Variants in MYH14 observed in about 807,000 individuals in gnomAD.
MYH14 encodes myosin heavy chain 14, also known as myosin-14.
Under a neutral mutation model 255.5 loss-of-function variants are expected in MYH14, and 123 were observed. That is an observed-to-expected ratio of 0.48 (90% CI 0.42 to 0.56). The LOEUF is 0.56. Ranked by LOEUF, MYH14 falls within the 20% of genes least tolerant of loss-of-function variation. MYH14 has a pLI of 0.00. For missense variants in MYH14, 2,423 were observed against 2,802.3 expected (o/e 0.86, Z 3.06); for synonymous variants, 1,095 against 1,161.2 (o/e 0.94, Z 1.16).
chr19:50,239,429 G>C (rs2033802017), intron 10 of MYH14, among the ~76,000 whole-genome samples: 1 of 152,220 alleles, frequency 6.6e-6, no homozygotes. Flanking sequence ...GAAGATTACA[G>C]ACTGGTTGTT....
intron 19 of MYH14, 38 bp from the exon 20 acceptor site, chr19:50,260,608 G>GT (rs1199701081): frequency 1.3e-6 from 2 of 1,514,036 alleles, no homozygotes; most frequent in Admixed American, 1.7e-5. Context: ...AGCGTTTGCT[G>GT]TAACTCTCTC....
chr19:50,257,162 C>CT, intron 17 of MYH14, 137 bp from the exon 18 acceptor site: 1 of 652,038 alleles, frequency 1.5e-6, no homozygotes, highest in Middle Eastern at 4.3e-4. Context: ...AAGCTGATAT[C>CT]TACCTTACAG....
intron 8 of MYH14, among the ~76,000 whole-genome samples, chr19:50,227,666 G>T (rs1259297586): frequency 2.0e-5 from 3 of 152,148 alleles, no homozygotes; most frequent in Admixed American, 6.6e-5. Flanking sequence ...AGCATCTCAG[G>T]ACGGCTGTTT....
At chr19:50,262,998 G>A (rs1380606520) in intron 21 of MYH14, among the ~76,000 whole-genome samples, 4 of 152,082 alleles carry the variant, frequency 2.6e-5, no homozygotes, top group Admixed American at 2.0e-4. Flanking sequence ...TGGGGAGTTG[G>A]AGAGCAGCCC....
intron 1 of MYH14, among the ~76,000 whole-genome samples, chr19:50,210,085 A>G: frequency 8.2e-6 from 1 of 121,740 alleles, no homozygotes; most frequent in Non-Finnish European, 1.6e-5. Context: ...GCAACAAGCG[A>G]GACTCCGTCT....
rs2036166044 is a variant in MYH14, at chr19:50,293,655, C to T, written c.5437C>T (p.Leu1813Phe). The T allele has an allele frequency of 6.2e-7, 1 of 1,601,658 alleles. No homozygotes were observed. The highest frequency in any genetic ancestry group is 1.3e-5 in the African/African-American group (1 of 74,796). ...GGAGGAGCAGAGCAACTCGGAGCTG[C>T]TCAATGACCGCTACCGCAAGCTGCT... Reference protein sequence around the residue: ...LEEEQSNSELLNDRYRKLLLQ... With the variant: ...LEEEQSNSELFNDRYRKLLLQ... The change falls in exon 39 of 43, where the codon CTC (leucine) becomes TTC (phenylalanine). Residue 1813 changes from leucine (L) to phenylalanine (F), a missense_variant. Leu to Phe is a conservative substitution (Grantham distance 22, BLOSUM62 0). Around this residue, in one of 3 missense-constraint regions of MYH14, gnomAD observed 1,513 missense variants for 1,674.8 expected, o/e 0.90. Coordinates refer to ENST00000642316, the MANE Select transcript of MYH14 (RefSeq NM_001145809.2). This position sits in a 1 kb window ranked among gnomAD's most constrained non-coding sequence, Gnocchi z 4.1.
intron 12 of MYH14, among the ~76,000 whole-genome samples, chr19:50,248,059 CAAAAA>C (rs10588130): frequency 3.7e-5 from 4 of 106,828 alleles, no homozygotes; most frequent in Admixed American, 9.9e-5. Context: ...GACTCTGTCT[CAAAAA>C]AAAAAAAAAA....
intron 5 of MYH14, 117 bp from the exon 6 acceptor site, chr19:50,224,037 A>AG: frequency 7.9e-6 from 2 of 252,564 alleles, no homozygotes; most frequent in South Asian, 5.2e-5. Context: ...CGGTTTCCCC[A>AG]GTCCCCCTTC....
At chr19:50,210,342 C>T in intron 1 of MYH14, 21 bp from the exon 2 acceptor site, 1 of 1,570,880 alleles carries the variant, frequency 6.4e-7, no homozygotes, top group African/African-American at 1.4e-5. Context: ...TGACCCCCAC[C>T]CTCTTTCTTT....
At chr19:50,301,593 C>A in intron 39 of MYH14, 68 bp from the exon 40 acceptor site, 1 of 1,252,170 alleles carries the variant, frequency 8.0e-7, no homozygotes, top group Non-Finnish European at 1.2e-6. Context: ...CTCAGAGGTG[C>A]CTGGATTTAC....
chr19:50,219,661 G>A (rs898094624), intron 3 of MYH14, among the ~76,000 whole-genome samples: 1 of 152,108 alleles, frequency 6.6e-6, no homozygotes, highest in Non-Finnish European at 1.5e-5. Flanking sequence ...CCCTTAGACA[G>A]ATGGCAGGTC....
chr19:50,256,046 G>C (rs1272087198), intron 17 of MYH14, among the ~76,000 whole-genome samples: 2 of 151,756 alleles, frequency 1.3e-5, no homozygotes, highest in Non-Finnish European at 2.9e-5. Flanking sequence ...GGGAGGCCGA[G>C]GTGAGAGGAT....
chr19:50,295,293 C>G (rs1020202187), intron 39 of MYH14, among the ~76,000 whole-genome samples: 1 of 151,748 alleles, frequency 6.6e-6, no homozygotes, highest in African/African-American at 2.4e-5. Flanking sequence ...CCACTGCACT[C>G]CAGCCTGGGC....
At position 50,292,289 on chromosome 19, in the gene MYH14, T is replaced by A; in HGVS notation, c.5156T>A (p.Val1719Glu). ...QAQMKELWRE[V>E]EETRTSREEI... is the part of the protein sequence containing the mutation. ...CAGATGAAGGAGCTATGGCGGGAGGTGGAGGAGACACGCACCTCCCGGGAG... is the reference window on the plus strand; with the variant it reads ...CAGATGAAGGAGCTATGGCGGGAGGAGGAGGAGACACGCACCTCCCGGGAG... The change falls in exon 37 of 43, where the codon GTG (valine) becomes GAG (glutamate). Residue 1719 changes from valine to glutamate, a missense_variant. By Grantham distance (121) the Val-to-Glu change is moderately radical. Coordinates refer to ENST00000642316, the MANE Select transcript of MYH14 (RefSeq NM_001145809.2). 6.3e-7 allele frequency: 1 copy of A among 1,586,750 alleles called. No homozygotes were observed. The highest frequency in any genetic ancestry group is 8.6e-7 in the Non-Finnish European group (1 of 1,167,270).
intron 27 of MYH14, among the ~76,000 whole-genome samples, chr19:50,273,632 G>GTGTGTGTGTGTGTGTGTGTGTGTGTGT (rs1568526399): frequency 3.3e-5 from 5 of 151,370 alleles, no homozygotes; most frequent in South Asian, 2.1e-4. Flanking sequence ...GTGTGTGTGT[G>GTGTGTGTGTGTGTGTGTGTGTGTGTGT]GTTAAGAACA....
In MYH14 at chr19:50,230,454, A is replaced by G; in HGVS notation, c.875-71A>G. The G allele has an allele frequency of 7.4e-7, 1 of 1,348,896 alleles. No homozygotes were observed. The highest frequency in any genetic ancestry group is 1.0e-6 in the Non-Finnish European group (1 of 964,592). The allele number at this position is 1,348,896 out of a possible 1,614,324, so 83.6% of individuals were successfully genotyped here. A position where few individuals can be genotyped will look rare whatever the true frequency, so the allele number is the denominator to read the frequency against. Reference sequence around the variant, plus strand: ...GAGAAGGGGGCAGCGTGGGCAGGGCAGGCTCCTGTAGTGGCCTGGCAGCGT... The same window carrying G: ...GAGAAGGGGGCAGCGTGGGCAGGGCGGGCTCCTGTAGTGGCCTGGCAGCGT... On this transcript the variant is annotated intron_variant, in intron 8 of 42. Transcript: ENST00000642316. This position sits in a 1 kb window ranked among gnomAD's most constrained non-coding sequence, Gnocchi z 4.7.
Position 50,231,993 on chromosome 19 carries a change from C to A in MYH14, c.1037C>A (p.Pro346His). ...RFLTNGPSSS[P>H]GQERELFQET... is the part of the protein sequence containing the mutation. ...CTGACCAACGGGCCGTCATCCTCTC[C>A]CGGCCAGGAGCGGGAACTCTTCCAG... The change falls in exon 10 of 43, where the codon CCC (proline) becomes CAC (histidine). Residue 346 changes from proline to histidine, a missense_variant. Pro to His is a moderately conservative substitution (Grantham distance 77). Transcript: ENST00000642316. 1 of 1,613,924 alleles carries A rather than the reference C, an allele frequency of 6.2e-7. No homozygotes were observed. Among genetic ancestry groups the A allele is most frequent in the Non-Finnish European group, 8.5e-7 (1 of 1,179,908 alleles).
At chr19:50,277,742 C>T (rs2035560776) in intron 29 of MYH14, among the ~76,000 whole-genome samples, 1 of 151,916 alleles carries the variant, frequency 6.6e-6, no homozygotes, top group Non-Finnish European at 1.5e-5. Context: ...ATGGCAAAAT[C>T]CCATCTCTAC....
At chr19:50,306,934 G>A in intron 40 of MYH14, 115 bp from the exon 41 acceptor site, 1 of 768,172 alleles carries the variant, frequency 1.3e-6, no homozygotes, top group Admixed American at 2.0e-5. Flanking sequence ...TTAGGGGTTA[G>A]GAAAGAGGGA....
Sources: gnomAD v4.1 joint callset for allele counts (sites outside exome capture counted in the v4.1 genomes callset) on GRCh38, gnomAD v4.1.1 for gene constraint, gnomAD v4.1.1 regional missense constraint, Gnocchi (gnomAD v3.1) non-coding constraint, MANE v1.5 for transcripts, NCBI Gene and HGNC (gene_info 2026-07-23, HGNC 2026-07-21) for gene names.